Variants in TFDP2 observed in about 807,000 individuals in gnomAD.
TFDP2 encodes the protein transcription factor Dp-2.
A neutral mutation model predicts 59.3 loss-of-function variants in TFDP2; 17 were observed. That is an observed-to-expected ratio of 0.29 (90% CI 0.20 to 0.43). The LOEUF (loss-of-function observed/expected upper bound fraction) is 0.43. TFDP2 is among the 20% of genes least tolerant of loss of function. The pLI is 1.00. For missense variants in TFDP2, 391 were observed against 528.8 expected (o/e 0.74, Z 2.56); for synonymous variants, 180 against 194.7 (o/e 0.92, Z 0.63).
chr3:142,057,774 T>C (rs2059790868), intron 3 of TFDP2, among the ~76,000 whole-genome samples: 2 of 152,222 alleles, frequency 1.3e-5, no homozygotes, highest in Non-Finnish European at 1.5e-5. Context: ...ACCTATAGAA[T>C]TATGTATGGC....
chr3:142,143,104 C>T (rs1374536752), intron 1 of TFDP2, among the ~76,000 whole-genome samples: 1 of 152,130 alleles, frequency 6.6e-6, no homozygotes, highest in Non-Finnish European at 1.5e-5. Flanking sequence ...GGCATGGTGG[C>T]ACATGCCTGT....
At chr3:142,144,104 T>C (rs933652529) in intron 1 of TFDP2, among the ~76,000 whole-genome samples, 4 of 152,218 alleles carry the variant, frequency 2.6e-5, no homozygotes, top group African/African-American at 9.6e-5. Context: ...CCAGGCACGA[T>C]GGCTCACATC....
chr3:142,127,306 T>C (rs2108716396), intron 1 of TFDP2, among the ~76,000 whole-genome samples: 1 of 140,198 alleles, frequency 7.1e-6, no homozygotes, highest in African/African-American at 2.6e-5. Flanking sequence ...CACTCCGCTT[T>C]TTTTTTTTTT....
intron 3 of TFDP2, among the ~76,000 whole-genome samples, chr3:142,044,376 C>T (rs1947215139): frequency 6.6e-6 from 1 of 151,966 alleles, no homozygotes; most frequent in Non-Finnish European, 1.5e-5. Context: ...GCTGGGACTA[C>T]AGGCGTGCAC....
At chr3:142,088,636 G>A (rs2060892198) in intron 3 of TFDP2, among the ~76,000 whole-genome samples, 1 of 147,066 alleles carries the variant, frequency 6.8e-6, no homozygotes, top group Admixed American at 6.8e-5. Flanking sequence ...TTTGAGACAG[G>A]GTCATGCTCT....
At chr3:141,968,805 CAT>C (rs1295389806) in intron 9 of TFDP2, among the ~76,000 whole-genome samples, 2 of 74,846 alleles carry the variant, frequency 2.7e-5, no homozygotes, top group Admixed American at 3.8e-4. Context: ...ATATATATCT[CAT>C]ATATAGATAT....
chr3:141,956,941 C>CA (rs1375216299), intron 11 of TFDP2, among the ~76,000 whole-genome samples: 10 of 12,446 alleles, frequency 8.0e-4, no homozygotes, highest in Non-Finnish European at 1.3e-3. Context: ...CCCTGCCCCA[C>CA]CCCCCCCACA....
chr3:142,042,449 G>A (rs1396567344), intron 3 of TFDP2, among the ~76,000 whole-genome samples: 5 of 151,712 alleles, frequency 3.3e-5, no homozygotes, highest in South Asian at 2.1e-4. Flanking sequence ...GTGCCACCAC[G>A]CCCGGCTAAT....
At chr3:141,957,320 ATAAG>A (rs1249862257) in intron 11 of TFDP2, among the ~76,000 whole-genome samples, 6 of 152,174 alleles carry the variant, frequency 3.9e-5, no homozygotes, top group Non-Finnish European at 7.4e-5. Context: ...CCGTCTCTAA[ATAAG>A]TAAGTAAGGA....
chr3:142,126,879 G>A (rs950150710), intron 1 of TFDP2, among the ~76,000 whole-genome samples: 2 of 150,830 alleles, frequency 1.3e-5, no homozygotes, highest in South Asian at 4.2e-4. Context: ...CCGGAAGGCG[G>A]AGGTTGCAGT....
At chr3:141,969,654 AT>A (rs1250596386) in intron 9 of TFDP2, among the ~76,000 whole-genome samples, 2 of 152,138 alleles carry the variant, frequency 1.3e-5, no homozygotes, top group Admixed American at 1.3e-4. Context: ...ATTTCATGCC[AT>A]TCTGTCATTT....
At chr3:142,134,194 G>T (rs1233202701) in intron 1 of TFDP2, among the ~76,000 whole-genome samples, 3 of 151,604 alleles carry the variant, frequency 2.0e-5, no homozygotes, top group African/African-American at 4.8e-5. Flanking sequence ...GCAGAGGTGG[G>T]CGAAATTAGC....
intron 3 of TFDP2, among the ~76,000 whole-genome samples, chr3:142,072,630 G>A (rs749127231): frequency 1.7e-4 from 26 of 152,158 alleles, no homozygotes; most frequent in Non-Finnish European, 2.2e-4. Context: ...AACAAGTAAG[G>A]AAGTATCAAA....
intron 8 of TFDP2, among the ~76,000 whole-genome samples, chr3:141,972,648 C>G (rs1939942183): frequency 6.6e-6 from 1 of 152,150 alleles, no homozygotes; most frequent in East Asian, 1.9e-4. Flanking sequence ...GGGATTATCT[C>G]CTTGGTAAAG....
intron 3 of TFDP2, among the ~76,000 whole-genome samples, chr3:142,027,895 T>C (rs1946210742): frequency 6.6e-6 from 1 of 152,104 alleles, no homozygotes; most frequent in Non-Finnish European, 1.5e-5. Flanking sequence ...AGACACCAAA[T>C]GGTGCCACCC....
chr3:142,132,363 G>A (rs1469663838), intron 1 of TFDP2, among the ~76,000 whole-genome samples: 1 of 150,058 alleles, frequency 6.7e-6, no homozygotes, highest in African/African-American at 2.5e-5. Flanking sequence ...TGATGAAAAT[G>A]TTCTGGAACT....
intron 1 of TFDP2, among the ~76,000 whole-genome samples, chr3:142,143,429 C>T (rs189684605): frequency 9.9e-5 from 15 of 152,172 alleles, no homozygotes; most frequent in Admixed American, 5.9e-4. Context: ...AAAGTTTCTG[C>T]ACAGCAAAGG....
intron 3 of TFDP2, among the ~76,000 whole-genome samples, chr3:142,006,500 G>A (rs1007081920): frequency 2.1e-5 from 3 of 141,342 alleles, no homozygotes; most frequent in Non-Finnish European, 4.5e-5. Flanking sequence ...TGGGGGTCTC[G>A]CTCTGACACC....
intron 1 of TFDP2, among the ~76,000 whole-genome samples, chr3:142,113,796 T>C (rs377012509): frequency 5.8e-4 from 88 of 152,316 alleles, no homozygotes; most frequent in African/African-American, 2.0e-3. Context: ...ATACCTAATC[T>C]ATATTCAAAT....
Sources: gnomAD v4.1 joint callset for allele counts (sites outside exome capture counted in the v4.1 genomes callset) on GRCh38, gnomAD v4.1.1 for gene constraint, MANE v1.5 for transcripts, NCBI Gene and HGNC (gene_info 2026-07-23, HGNC 2026-07-21) for gene names.